CAMTA1: variants seen among roughly 807,000 people sequenced by gnomAD.
CAMTA1 encodes the protein calmodulin binding transcription activator 1.
In CAMTA1, 27 loss-of-function variants were observed where a neutral mutation model predicts 170.9. The ratio of observed to expected loss-of-function variants is 0.16; its 90% confidence interval spans 0.12 to 0.22. The LOEUF is 0.22. Ranked by LOEUF, CAMTA1 falls within the 10% of genes least tolerant of loss-of-function variation. The pLI, the probability that CAMTA1 is intolerant of heterozygous loss-of-function variation, is 1.00. For missense variants in CAMTA1, 1,619 were observed against 2,217.2 expected (o/e 0.73, Z 5.42); for synonymous variants, 833 against 891.5 (o/e 0.93, Z 1.17).
At chr1:7,229,305 C>G (rs901789156) in intron 4 of CAMTA1, among the ~76,000 whole-genome samples, 2 of 149,882 alleles carry the variant, frequency 1.3e-5, no homozygotes, top group African/African-American at 4.9e-5. Context: ...CCCAGGGAGC[C>G]GGGAAAGTGA....
chr1:6,805,904 T>C (rs1014172065), intron 1 of CAMTA1, among the ~76,000 whole-genome samples: 4 of 152,128 alleles, frequency 2.6e-5, no homozygotes, highest in African/African-American at 4.8e-5. Flanking sequence ...TGGTCACTTA[T>C]GCTTTTGGTA....
intron 6 of CAMTA1, among the ~76,000 whole-genome samples, chr1:7,537,288 C>T (rs1401276538): frequency 6.6e-6 from 1 of 152,192 alleles, no homozygotes; most frequent in Non-Finnish European, 1.5e-5. Flanking sequence ...GCAGCCAGTC[C>T]AAGCAAACAC....
intron 11 of CAMTA1, among the ~76,000 whole-genome samples, chr1:7,708,693 G>A (rs1010819194): frequency 9.9e-5 from 15 of 152,076 alleles, no homozygotes; most frequent in Non-Finnish European, 2.1e-4. Context: ...TGGAGAGACT[G>A]GTCAGCTCAT....
intron 5 of CAMTA1, among the ~76,000 whole-genome samples, chr1:7,398,723 T>C (rs2089647256): frequency 1.3e-5 from 2 of 152,164 alleles, no homozygotes; most frequent in African/African-American, 4.8e-5. Context: ...CCTTTCTTTC[T>C]CTCTTATTGT....
intron 3 of CAMTA1, among the ~76,000 whole-genome samples, chr1:6,860,114 A>C (rs1040232369): frequency 6.6e-6 from 1 of 151,926 alleles, no homozygotes; most frequent in African/African-American, 2.4e-5. Context: ...AGTATGTATA[A>C]TATTTCTCCC....
At chr1:7,759,677 A>G (rs1282506464) in intron 22 of CAMTA1, among the ~76,000 whole-genome samples, 2 of 152,232 alleles carry the variant, frequency 1.3e-5, no homozygotes, top group East Asian at 3.8e-4. Flanking sequence ...CATATGCTGA[A>G]AAGATACTTT....
intron 6 of CAMTA1, among the ~76,000 whole-genome samples, chr1:7,498,875 A>C (rs1055771983): frequency 1.9e-5 from 2 of 103,446 alleles, no homozygotes; most frequent in Admixed American, 9.9e-5. Flanking sequence ...TGCATGAGTG[A>C]GTGTGTAGAG....
At position 7,004,085 on chromosome 1, in the gene CAMTA1, C is replaced by A. The variant is rs144453806; in HGVS notation, c.235-87219C>A. Among the ~76,000 whole-genome samples, 85 of 152,272 alleles carry A rather than the reference C, an allele frequency of 5.6e-4. 2 individuals carry two copies. The East Asian group carries it at 0.015, about 28-fold the overall frequency. On this transcript the variant is annotated intron_variant, in intron 3 of 22. Coordinates refer to ENST00000303635, the MANE Select transcript of CAMTA1 (RefSeq NM_015215.4). The stretch of plus-strand genomic sequence containing the variant: ...TTCCTTGAAATAAAAAATTGCCCAA[C>A]ATGCTTAGGAAATGGGAATTATGGT...
chr1:6,931,020 C>T (rs1684315331), intron 3 of CAMTA1, among the ~76,000 whole-genome samples: 1 of 152,208 alleles, frequency 6.6e-6, no homozygotes, highest in Non-Finnish European at 1.5e-5. Context: ...TCTGGTTCCT[C>T]ATAAGGGCCC....
chr1:7,233,220 G>T (rs1464978491), intron 4 of CAMTA1, among the ~76,000 whole-genome samples: 1 of 152,174 alleles, frequency 6.6e-6, no homozygotes, highest in African/African-American at 2.4e-5. Context: ...TAAAATATCG[G>T]TGTTGGAATA....
At position 7,014,093 on chromosome 1, in the gene CAMTA1, G is replaced by T. The variant is rs1700193832; in HGVS notation, c.235-77211G>T. ...TGTCGAGTGCGGTTCTGAAGGGCTT[G>T]CTCTGCCAAGGGGACCGGCTGGCTG... On this transcript the variant is annotated intron_variant, in intron 3 of 22. Coordinates refer to ENST00000303635, the MANE Select transcript of CAMTA1 (RefSeq NM_015215.4). This position sits in a 1 kb window ranked among gnomAD's most constrained non-coding sequence, Gnocchi z 4.2. Among the ~76,000 whole-genome samples the T allele has an allele frequency of 6.6e-6, 1 of 152,262 alleles. No individual in the cohort carries two copies. The highest frequency in any genetic ancestry group is 2.4e-5 in the African/African-American group (1 of 41,476).
At chr1:7,247,084 A>G (rs891770649) in intron 4 of CAMTA1, among the ~76,000 whole-genome samples, 2 of 152,230 alleles carry the variant, frequency 1.3e-5, no homozygotes, top group African/African-American at 4.8e-5. Context: ...CCCATCACAC[A>G]GAGCCGAACA....
intron 5 of CAMTA1, among the ~76,000 whole-genome samples, chr1:7,453,682 C>T (rs1211435345): frequency 6.6e-6 from 1 of 152,236 alleles, no homozygotes; most frequent in East Asian, 1.9e-4. Context: ...TTGCAGGCAA[C>T]AGGCTGGTCC....
intron 3 of CAMTA1, among the ~76,000 whole-genome samples, chr1:6,922,269 G>A (rs1682181082): frequency 6.6e-6 from 1 of 152,108 alleles, no homozygotes; most frequent in African/African-American, 2.4e-5. Context: ...ACCTGGCCAG[G>A]GTCCACAGCT....
In CAMTA1 at chr1:7,578,816, C is replaced by T. The variant is rs184460084; in HGVS notation, c.511-61584C>T. Among the ~76,000 whole-genome samples the T allele has an allele frequency of 3.6e-3, 546 of 152,276 alleles. 5 individuals are homozygous for T. Among genetic ancestry groups the T allele is most frequent in the African/African-American group, 0.013 (529 of 41,564 alleles). On this transcript the variant is annotated intron_variant, in intron 6 of 22. Transcript: ENST00000303635. ...GAGGCCCACTCTCTCAATAGTGGCACGAATGCGTGTATGGGGGCACAGCCC... is the reference window on the plus strand; with the variant it reads ...GAGGCCCACTCTCTCAATAGTGGCATGAATGCGTGTATGGGGGCACAGCCC...
chr1:6,863,900 A>G (rs896390081), intron 3 of CAMTA1, among the ~76,000 whole-genome samples: 1 of 152,212 alleles, frequency 6.6e-6, no homozygotes, highest in Non-Finnish European at 1.5e-5. Context: ...CTTAGGCTCC[A>G]TTAGACTGAC....
At chr1:7,179,848 A>G (rs1284031625) in intron 4 of CAMTA1, among the ~76,000 whole-genome samples, 1 of 152,198 alleles carries the variant, frequency 6.6e-6, no homozygotes, top group Non-Finnish European at 1.5e-5. Context: ...CACAAGGTAA[A>G]CCAAAAGAAA....
chr1:7,350,723 G>T (rs939536739), intron 5 of CAMTA1, among the ~76,000 whole-genome samples: 1 of 146,918 alleles, frequency 6.8e-6, no homozygotes, highest in Non-Finnish European at 1.5e-5. Context: ...AAGTCATATG[G>T]TGTGTGTGTG....
chr1:7,011,983 G>C (rs1699872787), intron 3 of CAMTA1, among the ~76,000 whole-genome samples: 1 of 152,094 alleles, frequency 6.6e-6, no homozygotes, highest in South Asian at 2.1e-4. Flanking sequence ...AGTGCTCAGG[G>C]GGCCCCTTCC....
Sources: allele counts gnomAD v4.1 joint callset (sites outside exome capture counted in the v4.1 genomes callset), GRCh38; gene constraint gnomAD v4.1.1; non-coding constraint Gnocchi (gnomAD v3.1); transcripts MANE v1.5; gene names NCBI Gene and HGNC (gene_info 2026-07-23, HGNC 2026-07-21).